CCDC178: variants seen among roughly 807,000 people sequenced by gnomAD.
CCDC178 encodes coiled-coil domain-containing protein 178.
In CCDC178, 126 loss-of-function variants were observed where a neutral mutation model predicts 117.4. The ratio of observed to expected loss-of-function variants is 1.07; its 90% CI spans 0.93 to 1.24. The LOEUF is 1.24. CCDC178 is among the 50% of genes most tolerant of loss of function. The pLI, the probability that CCDC178 is intolerant of heterozygous loss-of-function variation, is 0.00. For synonymous variants in CCDC178, 283 were observed against 313.4 expected (o/e 0.90, Z 1.02); for missense variants, 1,030 against 986.9 (o/e 1.04, Z -0.59).
intron 3 of CCDC178, among the ~76,000 whole-genome samples, chr18:33,407,504 C>A (rs557706630): frequency 6.6e-6 from 1 of 151,864 alleles, no homozygotes; most frequent in Admixed American, 6.6e-5. Context: ...TTGATATTAG[C>A]AATTTGAAAA....
At chr18:33,430,955 G>C (rs1223770746) in intron 2 of CCDC178, among the ~76,000 whole-genome samples, 1 of 151,664 alleles carries the variant, frequency 6.6e-6, no homozygotes, top group Non-Finnish European at 1.5e-5. Context: ...GGCCCCTGTG[G>C]TCCCAGCTAC....
At chr18:33,339,709 G>T (rs1318540958) in intron 9 of CCDC178, among the ~76,000 whole-genome samples, 1 of 151,950 alleles carries the variant, frequency 6.6e-6, no homozygotes, top group Non-Finnish European at 1.5e-5. Flanking sequence ...TTGTGATAAT[G>T]AATAAGTTTC....
intron 20 of CCDC178, among the ~76,000 whole-genome samples, chr18:33,115,338 A>G (rs2057840892): frequency 6.6e-6 from 1 of 152,016 alleles, no homozygotes; most frequent in Non-Finnish European, 1.5e-5. Flanking sequence ...GTTTATCAAA[A>G]TGTACTATAT....
intron 6 of CCDC178, 94 bp from the exon 7 acceptor site, chr18:33,356,440 A>T: frequency 8.5e-7 from 1 of 1,182,002 alleles, no homozygotes; most frequent in Non-Finnish European, 1.1e-6. Flanking sequence ...TCTACTTTAC[A>T]TATCTCTACT....
intron 20 of CCDC178, among the ~76,000 whole-genome samples, chr18:33,210,662 T>G (rs2059096193): frequency 6.6e-6 from 1 of 152,028 alleles, no homozygotes; most frequent in Non-Finnish European, 1.5e-5. Context: ...ACTTAAGCCT[T>G]CTTGCTTTGA....
chr18:33,029,296 G>A (rs1266654440), intron 21 of CCDC178, among the ~76,000 whole-genome samples: 1 of 151,746 alleles, frequency 6.6e-6, no homozygotes, highest in Non-Finnish European at 1.5e-5. Context: ...TAATTTGCTG[G>A]CATTCAAATG....
chr18:33,324,928 T>C (rs531911580), intron 10 of CCDC178, among the ~76,000 whole-genome samples: 21 of 151,988 alleles, frequency 1.4e-4, no homozygotes, highest in South Asian at 2.1e-4. Context: ...GTATGCTGTA[T>C]TGGATGGTTT....
chr18:33,404,198 T>C (rs993140493), intron 3 of CCDC178, among the ~76,000 whole-genome samples: 1 of 152,134 alleles, frequency 6.6e-6, no homozygotes, highest in East Asian at 1.9e-4. Context: ...TGGACCTTAG[T>C]TCATAAAAAT....
intron 2 of CCDC178, among the ~76,000 whole-genome samples, chr18:33,417,797 A>T (rs1479049116): frequency 6.6e-6 from 1 of 152,212 alleles, no homozygotes; most frequent in Non-Finnish European, 1.5e-5. Context: ...AACCAGGAAG[A>T]GATTGAAACT....
At position 33,356,203 on chromosome 18, in the gene CCDC178, T is replaced by A. The variant is rs1197359230; in HGVS notation, c.371+121A>T. ...ATTTTAAAAAATATATTGCAATATC[T>A]ATTGTGAAAAATCTTGCATTCGATT... On this transcript the variant is annotated intron_variant, in intron 7 of 22. Transcript: ENST00000383096. The A allele has an allele frequency of 6.5e-5, 66 of 1,009,076 alleles. 1 individual carries two copies. The South Asian group carries it at 9.8e-4, about 15-fold the overall frequency. The allele number at this position is 1,009,076 out of a possible 1,614,324, so 62.5% of individuals were successfully genotyped here.
intron 20 of CCDC178, among the ~76,000 whole-genome samples, chr18:33,168,231 T>C (rs907358574): frequency 6.6e-6 from 1 of 152,178 alleles, no homozygotes; most frequent in Non-Finnish European, 1.5e-5. Flanking sequence ...TAGATTTAAG[T>C]CTTTAATCCA....
intron 2 of CCDC178, among the ~76,000 whole-genome samples, chr18:33,423,127 T>C (rs1230679166): frequency 6.6e-6 from 1 of 152,160 alleles, no homozygotes; most frequent in Non-Finnish European, 1.5e-5. Flanking sequence ...AAAAATTGCA[T>C]AACAGTATAA....
At chr18:33,069,241 A>G (rs2057069737) in intron 21 of CCDC178, among the ~76,000 whole-genome samples, 1 of 152,150 alleles carries the variant, frequency 6.6e-6, no homozygotes, top group South Asian at 2.1e-4. Flanking sequence ...GAGTGAAAAG[A>G]ACAAAGCTGG....
At chr18:33,318,735 A>G (rs1426514572) in intron 11 of CCDC178, among the ~76,000 whole-genome samples, 1 of 152,140 alleles carries the variant, frequency 6.6e-6, no homozygotes, top group East Asian at 1.9e-4. Context: ...AAATAAAATT[A>G]ATTAAAATTC....
chr18:33,283,832 T>C lies in CCDC178; in HGVS notation c.1176+9327A>G, dbSNP rs1245124147. ...GGGACTGTAAATTAGTTCATCGTTG[T>C]GGATTACAGTGTGGTGATTCCACAA... On this transcript the variant is annotated intron_variant, in intron 12 of 22. Transcript: ENST00000383096. Among the ~76,000 whole-genome samples, 7 of 152,254 alleles carry C rather than the reference T, an allele frequency of 4.6e-5. No individual in the cohort carries two copies. The East Asian group carries it at 1.2e-3, about 25-fold the overall frequency.
chr18:32,982,917 C>T (rs1598753177), intron 21 of CCDC178, among the ~76,000 whole-genome samples: 1 of 151,930 alleles, frequency 6.6e-6, no homozygotes, highest in African/African-American at 2.4e-5. Context: ...TGTCCAAACC[C>T]ATAGAATGTA....
intron 20 of CCDC178, among the ~76,000 whole-genome samples, chr18:33,162,124 C>A (rs937885436): frequency 7.9e-5 from 12 of 151,980 alleles, no homozygotes; most frequent in African/African-American, 2.4e-4. Context: ...TAGGTGGGAA[C>A]TGAACAATGA....
chr18:33,176,474 T>C (rs2058665905), intron 20 of CCDC178, among the ~76,000 whole-genome samples: 1 of 152,166 alleles, frequency 6.6e-6, no homozygotes, highest in African/African-American at 2.4e-5. Context: ...TTTCACTCAG[T>C]AAATAAGAAC....
At chr18:33,154,064 A>G (rs996206119) in intron 20 of CCDC178, among the ~76,000 whole-genome samples, 3 of 152,198 alleles carry the variant, frequency 2.0e-5, no homozygotes, top group African/African-American at 7.2e-5. Flanking sequence ...ACCTTAAAAT[A>G]TAATGGAAAT....
Sources: gnomAD v4.1 joint callset for allele counts (sites outside exome capture counted in the v4.1 genomes callset) on GRCh38, gnomAD v4.1.1 for gene constraint, MANE v1.5 for transcripts, NCBI Gene and HGNC (gene_info 2026-07-23, HGNC 2026-07-21) for gene names.